Variants in NPAS3 observed in about 807,000 individuals in gnomAD.
The protein encoded by NPAS3 is neuronal PAS domain protein 3.
In NPAS3, 14 loss-of-function variants were observed where a neutral mutation model predicts 73.1. The ratio of observed to expected loss-of-function variants is 0.19; its 90% CI spans 0.13 to 0.30. The LOEUF (loss-of-function observed/expected upper bound fraction) is 0.30. Ranked by LOEUF, NPAS3 falls within the 10% of genes least tolerant of loss-of-function variation. NPAS3 has a pLI of 1.00. For synonymous variants in NPAS3, 620 were observed against 541.5 expected (o/e 1.14, Z -2.01); for missense variants, 1,096 against 1,250.0 (o/e 0.88, Z 1.86).
chr14:33,529,840 A>G (rs190380368), intron 4 of NPAS3, among the ~76,000 whole-genome samples: 44 of 152,192 alleles, frequency 2.9e-4, no homozygotes, highest in East Asian at 2.3e-3. Context: ...TCACTTGGGA[A>G]TAAAATATGA....
chr14:33,501,456 A>G (rs2052509469), intron 4 of NPAS3, among the ~76,000 whole-genome samples: 1 of 151,934 alleles, frequency 6.6e-6, no homozygotes, highest in Non-Finnish European at 1.5e-5. Flanking sequence ...TTTATGTAAT[A>G]ATATATTCTA....
intron 4 of NPAS3, among the ~76,000 whole-genome samples, chr14:33,542,063 T>C (rs927923647): frequency 1.3e-5 from 2 of 152,216 alleles, no homozygotes; most frequent in African/African-American, 4.8e-5. Flanking sequence ...CTTGGTACCA[T>C]GATGAAGTTA....
intron 3 of NPAS3, among the ~76,000 whole-genome samples, chr14:33,361,652 G>A (rs974233460): frequency 2.0e-5 from 3 of 152,156 alleles, no homozygotes; most frequent in Non-Finnish European, 4.4e-5. Context: ...TTGGATCATC[G>A]TTAAGACTTC....
At position 33,076,339 on chromosome 14, in the gene NPAS3, A is replaced by G. The variant is rs113169407; in HGVS notation, c.140+20345A>G. ...GGCATTTTATTTTCCCATAGATACC[A>G]TGTTACCAATTACATAAAGAAGAGT... On this transcript the variant is annotated intron_variant, in intron 2 of 11. Transcript: ENST00000356141. Among the ~76,000 whole-genome samples, 816 of 152,340 alleles carry G rather than the reference A, an allele frequency of 5.4e-3. 7 individuals carry two copies. The highest frequency in any genetic ancestry group is 7.6e-3 in the Non-Finnish European group (517 of 68,020).
At chr14:33,783,600 T>TG (rs1174867733) in intron 9 of NPAS3, among the ~76,000 whole-genome samples, 104 of 33,980 alleles carry the variant, frequency 3.1e-3, no homozygotes, top group African/African-American at 0.011. Flanking sequence ...GGGGGTGGTG[T>TG]GGGGGGGCGG....
intron 2 of NPAS3, among the ~76,000 whole-genome samples, chr14:33,153,052 T>C (rs1330112634): frequency 6.6e-6 from 1 of 152,160 alleles, no homozygotes; most frequent in African/African-American, 2.4e-5. Context: ...TTGTTGTTTT[T>C]AGTTTTTAAA....
intron 10 of NPAS3, among the ~76,000 whole-genome samples, chr14:33,796,807 G>A (rs1362434091): frequency 2.0e-5 from 3 of 152,102 alleles, no homozygotes; most frequent in Non-Finnish European, 4.4e-5. Flanking sequence ...TTCTGTTAGG[G>A]CCTCTTTCAC....
chr14:33,042,582 A>G (rs919211316), intron 1 of NPAS3, among the ~76,000 whole-genome samples: 1 of 152,190 alleles, frequency 6.6e-6, no homozygotes, highest in Non-Finnish European at 1.5e-5. Flanking sequence ...ATTCTATTTA[A>G]TTATGTCCAT....
chr14:33,003,082 T>C (rs1049677540), intron 1 of NPAS3, among the ~76,000 whole-genome samples: 4 of 151,876 alleles, frequency 2.6e-5, no homozygotes, highest in African/African-American at 9.7e-5. Context: ...TTTTTTTTTT[T>C]CGCAGAATTG....
At chr14:33,746,887 CT>C (rs756475757) in intron 7 of NPAS3, among the ~76,000 whole-genome samples, 80 of 146,974 alleles carry the variant, frequency 5.4e-4, no homozygotes, top group African/African-American at 7.3e-4. Context: ...AATGCTATCC[CT>C]CCCCCGTCCC....
intron 2 of NPAS3, among the ~76,000 whole-genome samples, chr14:33,161,055 C>CGTTCAT (rs144193257): frequency 0.038 from 5,837 of 152,224 alleles, 146 homozygotes; most frequent in Middle Eastern, 0.072. Context: ...CTTTAGTATG[C>CGTTCAT]GTTCATGTAC....
rs1179682869 is a variant in NPAS3, at chr14:33,516,652, A to G, written c.469-43469A>G. ...TGGGGCTGATGATAATAAGCACCTC[A>G]TTGGAGTTACTGTGCATATTAAATC... On this transcript the variant is annotated intron_variant, in intron 4 of 11. Coordinates refer to ENST00000356141, the Ensembl canonical transcript of NPAS3. Among the ~76,000 whole-genome samples the G allele has an allele frequency of 2.6e-5, 4 of 152,272 alleles. No individual in the cohort carries two copies. In the East Asian group the frequency reaches 7.8e-4, roughly 30 times the overall value.
chr14:32,989,605 A>G (rs1566437793), intron 1 of NPAS3, among the ~76,000 whole-genome samples: 2 of 152,164 alleles, frequency 1.3e-5, no homozygotes, highest in Admixed American at 1.3e-4. Context: ...AGAGCCCGCC[A>G]CTGCACTCCA....
At chr14:33,139,640 A>G (rs1235671082) in intron 2 of NPAS3, among the ~76,000 whole-genome samples, 1 of 152,172 alleles carries the variant, frequency 6.6e-6, no homozygotes, top group Non-Finnish European at 1.5e-5. Flanking sequence ...TCTGAATACA[A>G]GCTCCATACA....
intron 4 of NPAS3, among the ~76,000 whole-genome samples, chr14:33,450,684 T>G (rs2049751596): frequency 6.6e-6 from 1 of 152,220 alleles, no homozygotes; most frequent in African/African-American, 2.4e-5. Flanking sequence ...ATTTTATTGT[T>G]TGCTGTTTTT....
At chr14:33,168,467 C>T (rs1373646121) in intron 2 of NPAS3, among the ~76,000 whole-genome samples, 3 of 152,146 alleles carry the variant, frequency 2.0e-5, no homozygotes, top group African/African-American at 7.2e-5. Flanking sequence ...AGACAGGGGC[C>T]TGTCTGAGGA....
chr14:33,382,547 T>A (rs2046602216), intron 4 of NPAS3, among the ~76,000 whole-genome samples: 1 of 152,194 alleles, frequency 6.6e-6, no homozygotes, highest in East Asian at 1.9e-4. Context: ...GCGGGAAAAA[T>A]ACAGACCCTG....
chr14:33,320,004 G>A (rs1252225879), intron 3 of NPAS3, among the ~76,000 whole-genome samples: 2 of 152,152 alleles, frequency 1.3e-5, no homozygotes, highest in Non-Finnish European at 2.9e-5. Context: ...GAAGGGTGGA[G>A]TTTAAGGGAA....
intron 4 of NPAS3, among the ~76,000 whole-genome samples, chr14:33,477,466 C>T (rs542103365): frequency 6.6e-6 from 1 of 152,228 alleles, no homozygotes; most frequent in African/African-American, 2.4e-5. Context: ...ATGTGCCCAA[C>T]ACACACACAA....
Sources: allele counts gnomAD v4.1 joint callset (sites outside exome capture counted in the v4.1 genomes callset), GRCh38; gene constraint gnomAD v4.1.1; transcripts MANE v1.5; gene names NCBI Gene and HGNC (gene_info 2026-07-23, HGNC 2026-07-21).